Variants in PKD2L2 observed in about 807,000 individuals in gnomAD.
The protein encoded by PKD2L2 is polycystin 2 like 2, transient receptor potential cation channel, also known as polycystin-2-like protein 2.
A neutral mutation model predicts 83.9 loss-of-function variants in PKD2L2; 67 were observed. That is an observed-to-expected ratio of 0.80 (90% CI 0.66 to 0.98). PKD2L2 has a LOEUF of 0.98. Ranked by LOEUF, PKD2L2 falls within the 50% of genes least tolerant of loss-of-function variation. The probability of loss-of-function intolerance (pLI) is 0.00; values close to 1 mark genes in which losing one functional copy is unlikely to be tolerated. For missense variants in PKD2L2, 632 were observed against 717.2 expected, an observed-to-expected ratio of 0.88 and a Z score of 1.36; for synonymous variants, 223 against 237.8, an observed-to-expected ratio of 0.94 and a Z score of 0.57.
chr5:137,894,463 A>T lies in PKD2L2; in HGVS notation c.378A>T (p.Leu126=), dbSNP rs1481311188. ...SSRIYYENIL[L]GVPRVRQLKV... ...GCATCTACTATGAAAATATACTTCTAGGAGTTCCCAGAGTTCGTCAACTAA... is the reference window on the plus strand; with the variant it reads ...GCATCTACTATGAAAATATACTTCTTGGAGTTCCCAGAGTTCGTCAACTAA... The change falls in exon 4 of 15, where the codon CTA becomes CTT. Residue 126 remains leucine (L), a synonymous_variant. Transcript: ENST00000508883. 6.2e-7 allele frequency: 1 copy of T among 1,613,738 alleles called. No individual in the cohort carries two copies. Among genetic ancestry groups the T allele is most frequent in the East Asian group, 2.2e-5 (1 of 44,880 alleles).
chr5:137,921,433 A>C (rs1176500041), intron 8 of PKD2L2, among the ~76,000 whole-genome samples: 1 of 152,110 alleles, frequency 6.6e-6, no homozygotes, highest in South Asian at 2.1e-4. Flanking sequence ...TACATTACCT[A>C]TTCAGCTATC....
In PKD2L2 at chr5:137,921,713, T is replaced by C. The variant is rs1290873878; in HGVS notation, c.1406T>C (p.Ile469Thr). The change falls in exon 9 of 15, where the codon ATT becomes ACT. Residue 469 changes from isoleucine (I) to threonine (T), a missense_variant. Physicochemically the swap from Ile to Thr is moderately conservative, Grantham distance 89 (BLOSUM62 -1). Coordinates refer to ENST00000508883, the MANE Select transcript of PKD2L2 (RefSeq NM_001300921.2). The part of the protein sequence containing the change: ...IQQANPILGP[I>T]YFITFIFFVF... ...CAAGCCAATCCTATCTTGGGACCCA[T>C]TTACTTCATCACTTTCATCTTTTTT... 1.2e-6 allele frequency: 2 copies of C among 1,608,942 alleles called. No homozygotes were observed. Among genetic ancestry groups the C allele is most frequent in the Non-Finnish European group, 8.5e-7 (1 of 1,176,226 alleles).
chr5:137,922,868 G>T (rs1759040691), intron 9 of PKD2L2, among the ~76,000 whole-genome samples: 1 of 151,832 alleles, frequency 6.6e-6, no homozygotes, highest in Non-Finnish European at 1.5e-5. Context: ...TTTCTCATTT[G>T]CCATAAACAT....
chr5:137,906,108 A>T (rs1338411390), intron 5 of PKD2L2, 98 bp from the exon 6 acceptor site: 3 of 701,782 alleles, frequency 4.3e-6, no homozygotes, highest in Admixed American at 5.3e-5. Context: ...ACTGATTATC[A>T]TTAAAGCATA....
intron 8 of PKD2L2, among the ~76,000 whole-genome samples, chr5:137,914,751 G>A (rs1011433503): frequency 6.6e-6 from 1 of 152,162 alleles, no homozygotes; most frequent in Non-Finnish European, 1.5e-5. Flanking sequence ...TGAGTATGAT[G>A]TTAGCTGTGG....
intron 4 of PKD2L2, among the ~76,000 whole-genome samples, chr5:137,894,951 G>A (rs1298997480): frequency 6.6e-6 from 1 of 152,142 alleles, no homozygotes. Flanking sequence ...ACATCCCCAA[G>A]ACAATCTGGG....
intron 8 of PKD2L2, among the ~76,000 whole-genome samples, chr5:137,920,184 T>C (rs1488956745): frequency 6.6e-6 from 1 of 152,100 alleles, no homozygotes; most frequent in Non-Finnish European, 1.5e-5. Flanking sequence ...GTCTGCGTGA[T>C]AAGAGTGAAA....
intron 3 of PKD2L2, among the ~76,000 whole-genome samples, chr5:137,894,116 T>G (rs1045953925): frequency 6.6e-6 from 1 of 152,230 alleles, no homozygotes; most frequent in African/African-American, 2.4e-5. Context: ...GAAGAAGGGC[T>G]ATGGGATTCC....
chr5:137,907,003 AG>A (rs1333745845), intron 6 of PKD2L2, among the ~76,000 whole-genome samples: 1 of 152,204 alleles, frequency 6.6e-6, no homozygotes, highest in African/African-American at 2.4e-5. Flanking sequence ...ACAGAGATTT[AG>A]GCAGGCCGAG....
Position 137,942,075 on chromosome 5 carries a change from G to A in PKD2L2, c.*18-309G>A, listed in dbSNP as rs769251646. 1.0e-5 allele frequency: 16 copies of A among 1,531,956 alleles called. No individual in the cohort carries two copies. In the East Asian group the frequency reaches 3.6e-4, roughly 34 times the overall value. The allele number at this position is 1,531,956 out of a possible 1,614,324, so 94.9% of individuals were successfully genotyped here. Reference sequence around the variant, plus strand: ...AATTGAAATGGTAAAATACTGAAGGGCACACTTGATTCATTATATTCTTAA... The same window carrying A: ...AATTGAAATGGTAAAATACTGAAGGACACACTTGATTCATTATATTCTTAA... On this transcript the variant is annotated intron_variant, in intron 14 of 14. Coordinates refer to ENST00000508883, the MANE Select transcript of PKD2L2 (RefSeq NM_001300921.2).
Position 137,916,426 on chromosome 5 carries a change from T to C in PKD2L2, c.1329-5210T>C, listed in dbSNP as rs149009995. Among the ~76,000 whole-genome samples the C allele has an allele frequency of 4.7e-3, 720 of 152,004 alleles. 6 individuals are homozygous for C. The highest frequency in any genetic ancestry group is 0.016 in the African/African-American group (682 of 41,482). On this transcript the variant is annotated intron_variant, in intron 8 of 14. Coordinates refer to ENST00000508883, the MANE Select transcript of PKD2L2 (RefSeq NM_001300921.2). ...ACCATGCCCGGCCTCTCCCTCACTT[T>C]TGAAGGAGAGTTTTGCCAGATATAA...
intron 11 of PKD2L2, among the ~76,000 whole-genome samples, chr5:137,925,367 C>T (rs1759295092): frequency 6.6e-6 from 1 of 152,126 alleles, no homozygotes; most frequent in African/African-American, 2.4e-5. Flanking sequence ...ATTCTAAATA[C>T]ACCCAGTACA....
intron 4 of PKD2L2, among the ~76,000 whole-genome samples, chr5:137,897,997 C>T (rs1032816284): frequency 6.6e-6 from 1 of 150,562 alleles, no homozygotes; most frequent in African/African-American, 2.4e-5. Flanking sequence ...GACAGAGTCT[C>T]ACTCTGTCAC....
At chr5:137,917,510 T>A (rs1468233646) in intron 8 of PKD2L2, among the ~76,000 whole-genome samples, 1 of 152,198 alleles carries the variant, frequency 6.6e-6, no homozygotes, top group African/African-American at 2.4e-5. Flanking sequence ...ATGTCAATTA[T>A]CCTATCTTCA....
rs935140684 is a variant in PKD2L2 at position 137,918,134 on chromosome 5, C to T, written c.1329-3502C>T. On this transcript the variant is annotated intron_variant, in intron 8 of 14. Coordinates refer to ENST00000508883, the MANE Select transcript of PKD2L2 (RefSeq NM_001300921.2). Reference sequence around the variant, plus strand: ...TAATTTTGAAAATCAGATTCTTCCCCTTGCCCAGGGTTTGCCATTTTTTGT... The same window carrying T: ...TAATTTTGAAAATCAGATTCTTCCCTTTGCCCAGGGTTTGCCATTTTTTGT... 1.1e-4 allele frequency among the ~76,000 whole-genome samples: 17 copies of T among 152,186 alleles called. 2 individuals are homozygous for T. The highest frequency in any genetic ancestry group is 9.8e-4 in the Admixed American group (15 of 15,282).
chr5:137,914,083 G>T (rs1020227074), intron 8 of PKD2L2, among the ~76,000 whole-genome samples: 2 of 116,364 alleles, frequency 1.7e-5, no homozygotes, highest in African/African-American at 3.4e-5. Context: ...TAGAGACAAG[G>T]TTTCGCCATG....
At chr5:137,941,884 A>C in intron 14 of PKD2L2, 1 of 1,349,138 alleles carries the variant, frequency 7.4e-7, no homozygotes, top group Non-Finnish European at 1.1e-6. Context: ...TTATTTCAAC[A>C]TATGGTCAGT....
chr5:137,921,362 G>GAAAA (rs66968280), intron 8 of PKD2L2, among the ~76,000 whole-genome samples: 17,466 of 144,722 alleles, frequency 0.12, 1,602 homozygotes, highest in East Asian at 0.36. Context: ...CTGTCTCAAA[G>GAAAA]AAAAAAAAAA....
chr5:137,909,133 G>A (rs1291056892), intron 8 of PKD2L2, among the ~76,000 whole-genome samples, 187 bp downstream of exon 8: 1 of 151,932 alleles, frequency 6.6e-6, no homozygotes, highest in African/African-American at 2.4e-5. Context: ...TCAAACTTCT[G>A]GACTCAAGCT....
Sources: allele counts gnomAD v4.1 joint callset (sites outside exome capture counted in the v4.1 genomes callset), GRCh38; gene constraint gnomAD v4.1.1; transcripts MANE v1.5; gene names NCBI Gene and HGNC (gene_info 2026-07-23, HGNC 2026-07-21).